The following COP1 variants were observed in gnomAD, a reference collection of about 807,000 sequenced individuals.
COP1 encodes the protein COP1 E3 ubiquitin ligase.
In COP1, 24 loss-of-function variants were observed where a neutral mutation model predicts 101.3. The observed-to-expected ratio is 0.24, with a 90% CI of 0.17 to 0.33. The LOEUF (loss-of-function observed/expected upper bound fraction) is 0.33. Ranked by LOEUF, COP1 falls within the 10% of genes least tolerant of loss-of-function variation. COP1 has a pLI of 1.00. For missense variants in COP1, 663 were observed against 906.2 expected (o/e 0.73, Z 3.45); for synonymous variants, 347 against 341.9 (o/e 1.01, Z -0.17).
At chr1:176,049,295 T>C (rs186391279) in intron 11 of COP1, among the ~76,000 whole-genome samples, 4 of 152,246 alleles carry the variant, frequency 2.6e-5, no homozygotes, top group East Asian at 1.9e-4. Flanking sequence ...TACATGTTAT[T>C]ATTTAGTGAC....
At chr1:175,985,331 T>C (rs931095362) in intron 18 of COP1, among the ~76,000 whole-genome samples, 2 of 152,238 alleles carry the variant, frequency 1.3e-5, no homozygotes, top group Non-Finnish European at 2.9e-5. Flanking sequence ...CCCTAGTTAT[T>C]GTAGTTACAA....
At chr1:175,996,582 C>T (rs1456220026) in intron 15 of COP1, among the ~76,000 whole-genome samples, 4 of 151,984 alleles carry the variant, frequency 2.6e-5, no homozygotes, top group Admixed American at 6.6e-5. Flanking sequence ...ACAAAAATCA[C>T]AAGCATTCTT....
intron 1 of COP1, among the ~76,000 whole-genome samples, chr1:176,203,845 G>C (rs1244231721): frequency 2.6e-5 from 4 of 152,212 alleles, no homozygotes; most frequent in African/African-American, 9.6e-5. Flanking sequence ...ACTGAAATTA[G>C]GTACGTGACT....
intron 11 of COP1, among the ~76,000 whole-genome samples, chr1:176,064,537 C>T (rs1675564344): frequency 6.6e-6 from 1 of 152,182 alleles, no homozygotes; most frequent in African/African-American, 2.4e-5. Context: ...CACTCTAATA[C>T]ACCTCAATGA....
chr1:176,007,691 G>A (rs1249794724), intron 15 of COP1, among the ~76,000 whole-genome samples: 2 of 152,118 alleles, frequency 1.3e-5, no homozygotes, highest in Non-Finnish European at 2.9e-5. Flanking sequence ...TGAGGAGGCA[G>A]TCTGCCTGTT....
At chr1:176,121,511 C>CGTTT (rs3034823) in intron 8 of COP1, among the ~76,000 whole-genome samples, 142,396 of 152,038 alleles carry the variant, frequency 0.94, 67,179 homozygotes, top group East Asian at 1. Context: ...CTTTAAATGT[C>CGTTT]GTTTTTTATT....
At chr1:176,070,643 C>A (rs1362222449) in intron 11 of COP1, among the ~76,000 whole-genome samples, 1 of 152,102 alleles carries the variant, frequency 6.6e-6, no homozygotes, top group Admixed American at 6.5e-5. Flanking sequence ...GCCTGAGCAA[C>A]AGAGCAAGAC....
rs140322049 is a variant in COP1, at chr1:176,056,666, T to C, written c.1278-10342A>G. Among the ~76,000 whole-genome samples the C allele has an allele frequency of 3.0e-3, 457 of 152,320 alleles. 2 individuals are homozygous for C. Among genetic ancestry groups the C allele is most frequent in the African/African-American group, 0.01 (430 of 41,580 alleles). ...GTTATAATCTACTATAAAAATATTTTCTTATTGCCAGGAAGTTTAGCCTAT... is the reference window on the plus strand; with the variant it reads ...GTTATAATCTACTATAAAAATATTTCCTTATTGCCAGGAAGTTTAGCCTAT... On this transcript the variant is annotated intron_variant, in intron 11 of 19. Coordinates refer to ENST00000367669, the MANE Select transcript of COP1 (RefSeq NM_022457.7).
intron 15 of COP1, among the ~76,000 whole-genome samples, chr1:176,007,810 C>G (rs1185162759): frequency 6.6e-6 from 1 of 152,266 alleles, no homozygotes; most frequent in Admixed American, 6.5e-5. Context: ...TGTGTGTGCC[C>G]TGTCCCCAGA....
chr1:176,122,328 C>G (rs1251356508), intron 8 of COP1, among the ~76,000 whole-genome samples: 2 of 152,012 alleles, frequency 1.3e-5, no homozygotes, highest in Non-Finnish European at 2.9e-5. Flanking sequence ...TCTTATTCTT[C>G]CATCAGTTTT....
intron 1 of COP1, among the ~76,000 whole-genome samples, chr1:176,193,278 T>A (rs2102168334): frequency 6.6e-6 from 1 of 152,272 alleles, no homozygotes; most frequent in South Asian, 2.1e-4. Context: ...AACAACGTGT[T>A]GACAAGATGT....
chr1:176,030,578 T>C (rs1306917518), intron 14 of COP1, among the ~76,000 whole-genome samples: 1 of 152,192 alleles, frequency 6.6e-6, no homozygotes, highest in Non-Finnish European at 1.5e-5. Context: ...GCAGTAATCA[T>C]TAATATTATT....
At chr1:175,955,547 T>C (rs939529031) in intron 18 of COP1, among the ~76,000 whole-genome samples, 22 of 152,076 alleles carry the variant, frequency 1.4e-4, no homozygotes, top group African/African-American at 5.3e-4. Context: ...AAAACTGTCT[T>C]CATTTGCAAA....
chr1:176,147,592 G>T (rs1395734539), intron 6 of COP1, among the ~76,000 whole-genome samples: 1 of 150,758 alleles, frequency 6.6e-6, no homozygotes, highest in African/African-American at 2.4e-5. Flanking sequence ...CAAGAGAAAA[G>T]AAAAAAAAAT....
At chr1:175,997,063 G>C (rs1312748292) in intron 15 of COP1, among the ~76,000 whole-genome samples, 2 of 150,940 alleles carry the variant, frequency 1.3e-5, no homozygotes, top group Non-Finnish European at 2.9e-5. Context: ...ATAGATCAAT[G>C]GAACAGAACA....
At chr1:176,119,606 C>A (rs1009755606) in intron 8 of COP1, among the ~76,000 whole-genome samples, 1 of 151,488 alleles carries the variant, frequency 6.6e-6, no homozygotes, top group Non-Finnish European at 1.5e-5. Flanking sequence ...TAATAAAACC[C>A]ATTAATTCTG....
At chr1:176,105,783 A>G (rs1051120137) in intron 9 of COP1, among the ~76,000 whole-genome samples, 4 of 152,194 alleles carry the variant, frequency 2.6e-5, no homozygotes, top group African/African-American at 9.6e-5. Context: ...AGTAATAATA[A>G]TTGAATTCAT....
chr1:176,157,204 T>C (rs554612141), intron 5 of COP1, among the ~76,000 whole-genome samples: 6 of 151,896 alleles, frequency 4.0e-5, no homozygotes, highest in South Asian at 2.1e-4. Context: ...AAAAAAATAA[T>C]AACAACAACA....
At chr1:176,039,767 T>A (rs991060748) in intron 14 of COP1, among the ~76,000 whole-genome samples, 1 of 152,140 alleles carries the variant, frequency 6.6e-6, no homozygotes, top group Non-Finnish European at 1.5e-5. Flanking sequence ...CTTGCATATA[T>A]GGTCAAATAA....
Sources: gnomAD v4.1 joint callset for allele counts (sites outside exome capture counted in the v4.1 genomes callset) on GRCh38, gnomAD v4.1.1 for gene constraint, MANE v1.5 for transcripts, NCBI Gene and HGNC (gene_info 2026-07-23, HGNC 2026-07-21) for gene names.